Variants in L1CAM observed in about 807,000 individuals in gnomAD.
L1CAM encodes L1 cell adhesion molecule.
L1CAM carries 8 observed loss-of-function variants against 93.0 expected under a neutral mutation model. That is an observed-to-expected ratio of 0.09 (90% CI 0.05 to 0.16). The LOEUF (loss-of-function observed/expected upper bound fraction) is 0.16. L1CAM is among the 10% of genes least tolerant of loss of function. The pLI is 1.00. For missense variants in L1CAM, 777 were observed against 1,073.4 expected (o/e 0.72, Z 3.86); for synonymous variants, 453 against 453.0 (o/e 1.00, Z 0.00).
Position 153,863,396 on chromosome X carries a change from G to T in L1CAM, c.3531-17C>A. 8.3e-7 allele frequency: 1 copy of T among 1,211,124 alleles called. No individual in the cohort carries two copies. The highest frequency in any genetic ancestry group is 1.1e-6 in the Non-Finnish European group (1 of 895,044). On this transcript the variant is annotated splice_polypyrimidine_tract_variant and intron_variant, in intron 27 of 28. Transcript: ENST00000370060. ...TCCAGGGACCTGAAGTCACCCGGCA[G>T]CACAGAGAAGAGAGAGAGGGGGTGA...
chrX:153,879,159 G>C (rs782610693), intron 1 of L1CAM, among the ~76,000 whole-genome samples: 4 of 109,369 alleles, frequency 3.7e-5, no homozygotes, highest in African/African-American at 1.3e-4. Context: ...GGAGGGGGGA[G>C]TGTTCCACAG....
Position 153,870,078 on chromosome X carries a change from A to G in L1CAM, c.969T>C (p.His323=). The G allele has an allele frequency of 8.3e-7, 1 of 1,211,714 alleles. No homozygotes were observed. Among genetic ancestry groups the G allele is most frequent in the Non-Finnish European group, 1.1e-6 (1 of 895,478 alleles). ...TACCCTCCACGGTGACATAGTACGC[A>G]TGCCGGGCACTGCCCAGTGAGTTCT... is the stretch of plus-strand genomic sequence containing the variant. ...LAENSLGSAR[H]AYYVTVEAAP... The change falls in exon 9 of 29, where the codon CAT becomes CAC. Residue 323 remains histidine, a synonymous_variant. Coordinates refer to ENST00000370060, the MANE Select transcript of L1CAM (RefSeq NM_001278116.2).
rs2064697338 is a variant in L1CAM at position 153,864,872 on chromosome X, C to G, written c.2995G>C (p.Glu999Gln). The G allele has an allele frequency of 1.6e-6, 2 of 1,212,543 alleles. No homozygotes were observed. The highest frequency in any genetic ancestry group is 2.2e-6 in the Non-Finnish European group (2 of 895,634). The change falls in exon 23 of 29, where the codon GAG becomes CAG. Residue 999 changes from glutamate (E) to glutamine (Q), a missense_variant. Physicochemically the swap from Glu to Gln is conservative, Grantham distance 29. Coordinates refer to ENST00000370060, the MANE Select transcript of L1CAM (RefSeq NM_001278116.2). ...CGTACGATGGCTTCACCAGGGCCCT[C>G]TTTGGTGGTGGCCTGAAGCTGGAAG... ...YRFQLQATTK[E>Q]GPGEAIVREG... is the part of the protein sequence containing the mutation.
At position 153,872,857 on chromosome X, in the gene L1CAM, A is replaced by T; in HGVS notation, c.92-160T>A. On this transcript the variant is annotated intron_variant, in intron 3 of 28. Transcript: ENST00000370060. ...GGGAAGAACAAAAGAGGCTTGTGGG[A>T]CATGAAAAGAGGGAGAGAGGGGACA... is the stretch of plus-strand genomic sequence containing the variant. The T allele has an allele frequency of 8.0e-6, 4 of 499,846 alleles. No homozygotes were observed. The Admixed American group carries it at 1.2e-4, about 15-fold the overall frequency. The allele number at this position is 499,846 out of a possible 1,213,427, so 41.2% of individuals were successfully genotyped here.
chrX:153,885,328 C>T (rs1557096673), intron 1 of L1CAM: 3 of 939,989 alleles, frequency 3.2e-6, no homozygotes, highest in African/African-American at 2.0e-5. Context: ...GGTGCCCGAA[C>T]CGACCTCACC....
rs1557091748 is a variant in L1CAM, at chrX:153,868,287, C to T, written c.1703+15G>A. ...CTTTTCCCACTCTGCCCCCTTTCAC[C>T]GTCACTGTCCTCACTTGTCACTGTC... On this transcript the variant is annotated intron_variant, in intron 14 of 28. Transcript: ENST00000370060. 1 of 1,211,533 alleles carries T rather than the reference C, an allele frequency of 8.3e-7. No individual in the cohort carries two copies. The highest frequency in any genetic ancestry group is 1.1e-6 in the Non-Finnish European group (1 of 895,265).
In L1CAM at chrX:153,862,444, C is replaced by T. The variant is rs2064670617; in HGVS notation, c.*219G>A. ...CTGGCAAAACAGCACCCAAAGGCCCCTGGCATGTGGGAGATCTGCCCAAGC... is the reference window on the plus strand; with the variant it reads ...CTGGCAAAACAGCACCCAAAGGCCCTTGGCATGTGGGAGATCTGCCCAAGC... On this transcript the variant is annotated 3_prime_UTR_variant, in exon 29 of 29. Coordinates refer to ENST00000370060, the MANE Select transcript of L1CAM (RefSeq NM_001278116.2). The T allele has an allele frequency of 1.1e-5, 4 of 379,472 alleles. No individual in the cohort carries two copies. In the South Asian group the frequency reaches 2.7e-4, roughly 26 times the overall value. The allele number at this position is 379,472 out of a possible 1,213,427, so 31.3% of individuals were successfully genotyped here.
In L1CAM at chrX:153,867,448, T is replaced by C. The variant is rs1412295827; in HGVS notation, c.2045A>G (p.Tyr682Cys). The change falls in exon 17 of 29, where the codon TAT (tyrosine) becomes TGT (cysteine). Residue 682 changes from tyrosine to cysteine, a missense_variant. By Grantham distance (194) the Tyr-to-Cys change is radical. Around this residue, in one of 5 missense-constraint regions of L1CAM, gnomAD observed 574 missense variants for 781.0 expected, o/e 0.73. Coordinates refer to ENST00000370060, the MANE Select transcript of L1CAM (RefSeq NM_001278116.2). ...AGTAACCCTAAAGGTGTAGTGGACA[T>C]AGGGCGACAGCTTGAGGGTGGTAGA... ...QTSTTLKLSP[Y>C]VHYTFRVTAI... 1 of 1,208,572 alleles carries C rather than the reference T, an allele frequency of 8.3e-7. No individual in the cohort carries two copies. The highest frequency in any genetic ancestry group is 1.1e-6 in the Non-Finnish European group (1 of 892,451).
At chrX:153,873,526 C>T (rs2064791014) in intron 2 of L1CAM, among the ~76,000 whole-genome samples, 2 of 112,269 alleles carry the variant, frequency 1.8e-5, no homozygotes, top group Admixed American at 1.9e-4. Flanking sequence ...GGCCATGCCT[C>T]CAGCTCTAGC....
rs1160688258 is a variant in L1CAM, at chrX:153,886,101, C to T, written c.-145G>A. The T allele has an allele frequency of 5.8e-6, 1 of 171,557 alleles. No homozygotes were observed. Among genetic ancestry groups the T allele is most frequent in the East Asian group, 2.7e-4 (1 of 3,738 alleles). 14.1% of individuals were successfully genotyped at this position (171,557 alleles called of 1,213,427 possible). A position where few individuals can be genotyped will look rare whatever the true frequency, so the allele number is the denominator to read the frequency against. ...CCACCGCTCGGGCTGCCCGCCCAGC[C>T]TCCGCGCACGCCGGCCTCGGACCCG... On this transcript the variant is annotated 5_prime_UTR_variant, in exon 1 of 29. Coordinates refer to ENST00000370060, the MANE Select transcript of L1CAM (RefSeq NM_001278116.2).
chrX:153,864,689 C>T lies in L1CAM; in HGVS notation c.3062G>A (p.Gly1021Asp). The T allele has an allele frequency of 1.7e-6, 2 of 1,212,090 alleles. No individual in the cohort carries two copies. Among genetic ancestry groups the T allele is most frequent in the Non-Finnish European group, 2.2e-6 (2 of 895,521 alleles). ...TTCACCCGCTGTGGCTGAGATGTTG[C>T]CAAAATCTGAGATCCCTGGGGGGAT... ...TMALSGISDF[G>D]NISATAGENY... Residue 1021 changes from glycine to aspartate, a missense_variant, in exon 24 of 29, where the codon GGC (glycine) becomes GAC (aspartate). Coordinates refer to ENST00000370060, the MANE Select transcript of L1CAM (RefSeq NM_001278116.2).
In L1CAM at chrX:153,869,766, C is replaced by T. The variant is rs782041401; in HGVS notation, c.1123+37G>A. On this transcript the variant is annotated intron_variant, in intron 10 of 28. Coordinates refer to ENST00000370060, the MANE Select transcript of L1CAM (RefSeq NM_001278116.2). ...CCTCTCCCCCACAGCCCCCAGGGCT[C>T]GCCACACTCCCCACTCCTGCCTGAG... The T allele has an allele frequency of 1.9e-5, 23 of 1,207,189 alleles. No homozygotes were observed. In the African/African-American group the frequency reaches 1.9e-4, roughly 10 times the overall value.
At position 153,865,510 on chromosome X, in the gene L1CAM, C is replaced by G; in HGVS notation, c.2548-10G>C. The G allele has an allele frequency of 1.7e-6, 2 of 1,205,215 alleles. No individual in the cohort carries two copies. The highest frequency in any genetic ancestry group is 3.5e-5 in the South Asian group (2 of 56,850). On this transcript the variant is annotated splice_polypyrimidine_tract_variant and intron_variant, in intron 20 of 28. Transcript: ENST00000370060. ...CCCTCCAGTACGTCACCTGCACAAG[C>G]GAACAGGAGACCTCGCAGGGGCAGA... is the stretch of plus-strand genomic sequence containing the variant.
chrX:153,868,992 G>A (rs200509612), intron 11 of L1CAM, 40 bp from the exon 12 acceptor site: 191 of 1,082,233 alleles, frequency 1.8e-4, no homozygotes, highest in Non-Finnish European at 2.3e-4. Flanking sequence ...GCAGGACTTG[G>A]GACCACAGCT....
Position 153,865,328 on chromosome X carries a change from C to T in L1CAM, c.2720G>A (p.Ser907Asn), listed in dbSNP as rs201970675. 6 of 1,211,011 alleles carry T rather than the reference C, an allele frequency of 5.0e-6. No individual in the cohort carries two copies. Among genetic ancestry groups the T allele is most frequent in the Non-Finnish European group, 5.6e-6 (5 of 895,215 alleles). Residue 907 changes from serine to asparagine, a missense_variant, in exon 21 of 29, where the codon AGC (serine) becomes AAC (asparagine). Coordinates refer to ENST00000370060, the MANE Select transcript of L1CAM (RefSeq NM_001278116.2). Reference protein sequence around the residue: ...AFNGRGSGPASEFTFSTPEGV... With the variant: ...AFNGRGSGPANEFTFSTPEGV... ...CTCTGGGGTGCTGAAGGTGAACTCG[C>T]TGGCGGGCCCCGATCCTCGCCCGTT...
Position 153,861,911 on chromosome X carries a change from G to A in L1CAM, c.*752C>T, listed in dbSNP as rs1200620573. ...GGCAGGGCTGCTAAGGGGTCCTGGGGGGTGGGGGCGGCTGGAAGAGGCCGG... is the reference window on the plus strand; with the variant it reads ...GGCAGGGCTGCTAAGGGGTCCTGGGAGGTGGGGGCGGCTGGAAGAGGCCGG... On this transcript the variant is annotated 3_prime_UTR_variant, in exon 29 of 29. Coordinates refer to ENST00000370060, the MANE Select transcript of L1CAM (RefSeq NM_001278116.2). The A allele has an allele frequency of 9.0e-6, 1 of 110,738 alleles. No homozygotes were observed. The highest frequency in any genetic ancestry group is 1.9e-5 in the Non-Finnish European group (1 of 52,829). The allele number at this position is 110,738 out of a possible 1,213,427, so 9.1% of individuals were successfully genotyped here.
rs200863731 is a variant in L1CAM, at chrX:153,864,879, G to T, written c.2988C>A (p.Thr996=). The stretch of plus-strand genomic sequence containing the variant: ...TGGCTTCACCAGGGCCCTCTTTGGT[G>T]GTGGCCTGAAGCTGGAAGCGGTACC... ...HLRYRFQLQA[T]TKEGPGEAIV... is the part of the protein sequence containing the mutation. The change falls in exon 23 of 29, where the codon ACC becomes ACA. Residue 996 remains threonine (T), a synonymous_variant. Transcript: ENST00000370060. The T allele has an allele frequency of 1.7e-6, 2 of 1,211,214 alleles. No homozygotes were observed. Among genetic ancestry groups the T allele is most frequent in the East Asian group, 5.9e-5 (2 of 33,788 alleles).
At chrX:153,863,067 C>T (rs1439568031) in intron 28 of L1CAM, among the ~76,000 whole-genome samples, 173 bp from the exon 29 acceptor site, 1 of 112,520 alleles carries the variant, frequency 8.9e-6, no homozygotes, top group African/African-American at 3.2e-5. Flanking sequence ...GGGCATTCCC[C>T]AGATCCTGGG....
chrX:153,883,819 G>C (rs1257689356), intron 1 of L1CAM: 1 of 343,012 alleles, frequency 2.9e-6, no homozygotes, highest in Non-Finnish European at 5.9e-6. Context: ...GCCACTCTGC[G>C]AGGCCGCATC....
Sources: allele counts gnomAD v4.1 joint callset (sites outside exome capture counted in the v4.1 genomes callset), GRCh38; gene constraint gnomAD v4.1.1; regional missense constraint gnomAD v4.1.1; transcripts MANE v1.5; gene names NCBI Gene and HGNC (gene_info 2026-07-23, HGNC 2026-07-21).